Variants in SNX7 observed in about 807,000 individuals in gnomAD.
SNX7 encodes the protein sorting nexin 7.
SNX7 carries 35 observed loss-of-function variants against 48.4 expected under a neutral mutation model. The ratio of observed to expected loss-of-function variants is 0.72; its 90% CI spans 0.55 to 0.96. The LOEUF (loss-of-function observed/expected upper bound fraction) is 0.96, where lower values mean the gene tolerates loss of function less well. Among genes scored for constraint, SNX7 ranks in the 40% least tolerant of loss-of-function variants. The probability of loss-of-function intolerance (pLI) is 0.00; values close to 1 mark genes in which losing one functional copy is unlikely to be tolerated. For missense variants in SNX7, 553 were observed against 548.9 expected (o/e 1.01, Z -0.07); for synonymous variants, 190 against 190.2 (o/e 1.00, Z 0.01).
chr1:98,715,271 C>G (rs922511784), intron 7 of SNX7, among the ~76,000 whole-genome samples: 1 of 152,084 alleles, frequency 6.6e-6, no homozygotes, highest in Non-Finnish European at 1.5e-5. Context: ...TAACTTGTTT[C>G]ATATTTCCTT....
At chr1:98,728,321 C>G (rs1280568507) in intron 7 of SNX7, among the ~76,000 whole-genome samples, 1 of 152,164 alleles carries the variant, frequency 6.6e-6, no homozygotes, top group Non-Finnish European at 1.5e-5. Context: ...AAATCCTTTT[C>G]AGACAAGCAA....
chr1:98,749,985 C>T (rs9434446), intron 8 of SNX7, among the ~76,000 whole-genome samples: 67,280 of 151,682 alleles, frequency 0.44, 15,838 homozygotes, highest in Non-Finnish European at 0.52. Context: ...TATCATGGTA[C>T]TCTCTCTAAA....
chr1:98,746,565 A>G (rs1654318307), intron 8 of SNX7, among the ~76,000 whole-genome samples: 1 of 152,126 alleles, frequency 6.6e-6, no homozygotes, highest in African/African-American at 2.4e-5. Flanking sequence ...AAACAGGGAA[A>G]ACACATGATA....
In SNX7 at chr1:98,742,089, C is replaced by G. The variant is rs527503027; in HGVS notation, c.1278+3700C>G. Among the ~76,000 whole-genome samples, 4 of 152,162 alleles carry G rather than the reference C, an allele frequency of 2.6e-5. No homozygotes were observed. The South Asian group carries it at 8.3e-4, about 32-fold the overall frequency. On this transcript the variant is annotated intron_variant, in intron 8 of 8. Coordinates refer to ENST00000306121, the MANE Select transcript of SNX7 (RefSeq NM_015976.5). ...GCACAAAAAATGGGGAACCATTTAC[C>G]CAGTCCAGTGAAATCACCTTTGTTA...
At chr1:98,758,454 A>G (rs1000559548) in intron 8 of SNX7, among the ~76,000 whole-genome samples, 1 of 151,966 alleles carries the variant, frequency 6.6e-6, no homozygotes, top group African/African-American at 2.4e-5. Flanking sequence ...TTATTATTAT[A>G]TATCTGAGGA....
chr1:98,695,737 G>A (rs1262823138), intron 5 of SNX7, 21 bp downstream of exon 5: 1 of 1,486,464 alleles, frequency 6.7e-7, no homozygotes, highest in Non-Finnish European at 9.4e-7. Context: ...TTACTGAAAT[G>A]TGATTTCAAA....
intron 1 of SNX7, chr1:98,662,889 A>C: frequency 8.0e-7 from 1 of 1,246,128 alleles, no homozygotes; most frequent in Non-Finnish European, 1.0e-6. Context: ...GTGACCATGC[A>C]TACTCTGACT....
chr1:98,678,951 ACT>A (rs1456567287), intron 1 of SNX7, among the ~76,000 whole-genome samples: 7 of 152,132 alleles, frequency 4.6e-5, no homozygotes, highest in Non-Finnish European at 1.0e-4. Flanking sequence ...AATAATGAAC[ACT>A]CAGGAAAACA....
At chr1:98,685,104 CTT>C in intron 2 of SNX7, 37 bp downstream of exon 2, 1 of 1,299,954 alleles carries the variant, frequency 7.7e-7, no homozygotes, top group South Asian at 2.1e-5. Context: ...AATATAGCTG[CTT>C]TTTTTTAAGC....
chr1:98,714,910 T>C (rs898813872), intron 7 of SNX7, among the ~76,000 whole-genome samples: 3 of 152,174 alleles, frequency 2.0e-5, no homozygotes, highest in Non-Finnish European at 4.4e-5. Context: ...TGTTTTTAAA[T>C]TTATTTCCAA....
chr1:98,699,502 A>G (rs899610706), intron 6 of SNX7, among the ~76,000 whole-genome samples: 12 of 152,168 alleles, frequency 7.9e-5, no homozygotes, highest in African/African-American at 2.9e-4. Flanking sequence ...TGCAAAGCTA[A>G]TATTTTTCAT....
intron 5 of SNX7, among the ~76,000 whole-genome samples, chr1:98,697,668 T>G (rs1457362582): frequency 6.6e-6 from 1 of 152,160 alleles, no homozygotes; most frequent in Non-Finnish European, 1.5e-5. Flanking sequence ...GGGTTTGAGA[T>G]AGAAAAATAA....
chr1:98,698,935 A>T (rs1651610481), intron 6 of SNX7, 30 bp downstream of exon 6: 1 of 1,602,744 alleles, frequency 6.2e-7, no homozygotes, highest in African/African-American at 1.3e-5. Context: ...ATTTTACCTC[A>T]GTCCCTTACC....
At chr1:98,738,610 A>G (rs1053530164) in intron 8 of SNX7, among the ~76,000 whole-genome samples, 1 of 152,156 alleles carries the variant, frequency 6.6e-6, no homozygotes, top group Non-Finnish European at 1.5e-5. Context: ...AATGCTTTCT[A>G]ATGATTGTCC....
Position 98,684,937 on chromosome 1 carries a change from C to T in SNX7, c.233C>T (p.Pro78Leu). 6.3e-7 allele frequency: 1 copy of T among 1,595,302 alleles called. No individual in the cohort carries two copies. The highest frequency in any genetic ancestry group is 8.5e-7 in the Non-Finnish European group (1 of 1,169,638). ...NSFSPMMPTS[P>L]LSMINQIKFE... ...TTCAGCCCTATGATGCCAACATCCC[C>T]TTTATCAATGATAAACCAAATCAAG... is the stretch of plus-strand genomic sequence containing the variant. Residue 78 changes from proline to leucine, a missense_variant, in exon 2 of 9, where the codon CCT becomes CTT. Pro to Leu is a moderately conservative substitution (Grantham distance 98). Coordinates refer to ENST00000306121, the MANE Select transcript of SNX7 (RefSeq NM_015976.5).
intron 7 of SNX7, among the ~76,000 whole-genome samples, chr1:98,734,657 A>C (rs1033002460): frequency 6.6e-6 from 1 of 152,180 alleles, no homozygotes; most frequent in African/African-American, 2.4e-5. Flanking sequence ...TACTGTTACT[A>C]TAGATATGTA....
intron 1 of SNX7, among the ~76,000 whole-genome samples, chr1:98,675,948 T>C (rs1650138432): frequency 6.6e-6 from 1 of 152,186 alleles, no homozygotes; most frequent in African/African-American, 2.4e-5. Flanking sequence ...ATGTACAATG[T>C]TGACTCTAAC....
At chr1:98,697,238 A>G (rs1437437848) in intron 5 of SNX7, among the ~76,000 whole-genome samples, 1 of 152,214 alleles carries the variant, frequency 6.6e-6, no homozygotes, top group East Asian at 1.9e-4. Context: ...TGGAAGGACT[A>G]CAGAGGTGAT....
intron 7 of SNX7, among the ~76,000 whole-genome samples, chr1:98,721,550 A>G (rs1005429095): frequency 5.3e-5 from 8 of 152,114 alleles, no homozygotes; most frequent in African/African-American, 1.9e-4. Context: ...TTATACTTCA[A>G]TAAGCCTTAT....
Sources: gnomAD v4.1 joint callset for allele counts (sites outside exome capture counted in the v4.1 genomes callset) on GRCh38, gnomAD v4.1.1 for gene constraint, MANE v1.5 for transcripts, NCBI Gene and HGNC (gene_info 2026-07-23, HGNC 2026-07-21) for gene names.